SLIT3: variants seen among roughly 807,000 people sequenced by gnomAD.
SLIT3 encodes the protein slit guidance ligand 3, also known as slit homolog 3 protein.
Under a neutral mutation model 184.0 loss-of-function variants are expected in SLIT3, and 68 were observed. The observed-to-expected ratio is 0.37, with a 90% CI of 0.30 to 0.45. SLIT3 has a LOEUF of 0.45. Among genes scored for constraint, SLIT3 ranks in the 20% least tolerant of loss-of-function variants. The pLI is 1.00. For missense variants in SLIT3, 1,707 were observed against 2,026.0 expected (o/e 0.84, Z 3.02); for synonymous variants, 831 against 828.6 (o/e 1.00, Z -0.05).
intron 5 of SLIT3, among the ~76,000 whole-genome samples, chr5:168,879,192 T>C (rs1759858696): frequency 1.3e-5 from 2 of 152,366 alleles, no homozygotes; most frequent in South Asian, 4.1e-4. Flanking sequence ...TGAAGCTGGA[T>C]ATGCCAGCAG....
chr5:169,100,662 T>A (rs1269877035), intron 4 of SLIT3, among the ~76,000 whole-genome samples: 1 of 152,120 alleles, frequency 6.6e-6, no homozygotes, highest in Non-Finnish European at 1.5e-5. Context: ...ACTGTAACCA[T>A]CTGCCCCAGA....
At position 168,748,419 on chromosome 5, in the gene SLIT3, C is replaced by T. The variant is rs1169340848; in HGVS notation, c.2153G>A (p.Ser718Asn). The change falls in exon 20 of 36, where the codon AGC becomes AAC. Residue 718 changes from serine to asparagine, a missense_variant. Transcript: ENST00000519560. Reference sequence around the variant, plus strand: ...CGGGCAGCGCGGGCTCAGCTGGCAGCTACTCTCCTCGTTGCCTGTGGAGAG... The same window carrying T: ...CGGGCAGCGCGGGCTCAGCTGGCAGTTACTCTCCTCGTTGCCTGTGGAGAG... ...DFTCDGNEES[S>N]CQLSPRCPEQ... 1.3e-6 allele frequency: 2 copies of T among 1,524,848 alleles called. No homozygotes were observed. The highest frequency in any genetic ancestry group is 2.5e-5 in the Admixed American group (1 of 39,906). 94.5% of individuals were successfully genotyped at this position (1,524,848 alleles called of 1,614,324 possible).
chr5:168,840,050 C>T (rs1210259233), intron 6 of SLIT3, among the ~76,000 whole-genome samples: 2 of 152,174 alleles, frequency 1.3e-5, no homozygotes, highest in African/African-American at 4.8e-5. Context: ...TAAGGTCCTA[C>T]CAGCGCCAAC....
chr5:168,978,892 A>G (rs1754854110), intron 4 of SLIT3, among the ~76,000 whole-genome samples: 1 of 126,336 alleles, frequency 7.9e-6, no homozygotes, highest in Non-Finnish European at 1.6e-5. Flanking sequence ...CATCCACCTT[A>G]ATGGAATGGG....
At chr5:168,720,376 A>G (rs781236687) in intron 23 of SLIT3, 6 of 90,778 alleles carry the variant, frequency 6.6e-5, no homozygotes, top group Non-Finnish European at 1.6e-4. Context: ...CATCACCCCC[A>G]CCACCCCAAA....
intron 6 of SLIT3, among the ~76,000 whole-genome samples, chr5:168,842,469 G>GTTTTTTTTTTGTTTTTTTTT (rs1758295400): frequency 9.1e-5 from 8 of 88,080 alleles, no homozygotes; most frequent in African/African-American, 1.9e-4. Context: ...CCGTTTTTTC[G>GTTTTTTTTTTGTTTTTTTTT]TTTTTTTTTT....
chr5:169,129,738 G>A (rs1761221483), intron 4 of SLIT3, among the ~76,000 whole-genome samples: 1 of 152,270 alleles, frequency 6.6e-6, no homozygotes, highest in Non-Finnish European at 1.5e-5. Context: ...AAGAGAAGAG[G>A]ATATTAATGG....
At chr5:168,998,139 A>T (rs1755576997) in intron 4 of SLIT3, among the ~76,000 whole-genome samples, 1 of 152,224 alleles carries the variant, frequency 6.6e-6, no homozygotes, top group African/African-American at 2.4e-5. Flanking sequence ...AAAGTCATCC[A>T]GATTGGCTCT....
In SLIT3 at chr5:168,690,225, C is replaced by T. The variant is rs561811354; in HGVS notation, c.3176+2382G>A. Among the ~76,000 whole-genome samples the T allele has an allele frequency of 8.0e-4, 122 of 152,182 alleles. 1 individual carries two copies. Among genetic ancestry groups the T allele is most frequent in the African/African-American group, 2.9e-3 (119 of 41,520 alleles). ...AATCTCAGCTCACTGCAACCTCCGC[C>T]TCCTGGGTTCAAGCGATTCTCCTGC... On this transcript the variant is annotated intron_variant, in intron 29 of 35. Coordinates refer to ENST00000519560, the MANE Select transcript of SLIT3 (RefSeq NM_003062.4).
chr5:168,710,874 TG>T lies in SLIT3; in HGVS notation c.2719+20del. 1 of 1,476,194 alleles carries T rather than the reference TG, an allele frequency of 6.8e-7. No individual in the cohort carries two copies. Among genetic ancestry groups the T allele is most frequent in the Non-Finnish European group, 9.1e-7 (1 of 1,102,638 alleles). 91.4% of individuals were successfully genotyped at this position (1,476,194 alleles called of 1,614,324 possible). ...AGACCCCAAGAGGGGCAGGGGAGGG[TG>T]GGGTGTGGGCGTCACCTACCTTTGC... On this transcript the variant is annotated intron_variant, in intron 25 of 35. Coordinates refer to ENST00000519560, the MANE Select transcript of SLIT3 (RefSeq NM_003062.4).
intron 4 of SLIT3, among the ~76,000 whole-genome samples, chr5:169,064,965 G>C (rs143003881): frequency 6.6e-6 from 1 of 152,180 alleles, no homozygotes; most frequent in Non-Finnish European, 1.5e-5. Context: ...GACACAAAGA[G>C]TTCTGACCTT....
intron 20 of SLIT3, among the ~76,000 whole-genome samples, chr5:168,745,727 A>C (rs1381032867): frequency 2.0e-5 from 3 of 152,194 alleles, no homozygotes; most frequent in African/African-American, 7.2e-5. Flanking sequence ...TCCAATTTTA[A>C]AAGAACTTCT....
At chr5:169,132,639 A>G (rs2113319383) in intron 4 of SLIT3, among the ~76,000 whole-genome samples, 1 of 152,318 alleles carries the variant, frequency 6.6e-6, no homozygotes, top group East Asian at 1.9e-4. Flanking sequence ...AGCAGGAACC[A>G]GGACTTCTCA....
At position 169,011,088 on chromosome 5, in the gene SLIT3, T is replaced by G. The variant is rs140974813; in HGVS notation, c.414-127752A>C. On this transcript the variant is annotated intron_variant, in intron 4 of 35. Transcript: ENST00000519560. ...AAGCCCACTGAAGACTCTAAGTCTA[T>G]AAGGGCCGAAGCTATAACCAACACC... Among the ~76,000 whole-genome samples, 881 of 152,188 alleles carry G rather than the reference T, an allele frequency of 5.8e-3. 5 individuals carry two copies. Among genetic ancestry groups the G allele is most frequent in the Non-Finnish European group, 9.8e-3 (667 of 68,014 alleles).
At chr5:168,898,658 G>GC (rs1318932150) in intron 4 of SLIT3, among the ~76,000 whole-genome samples, 4 of 152,156 alleles carry the variant, frequency 2.6e-5, no homozygotes, top group Non-Finnish European at 4.4e-5. Context: ...ACTGTAGCCA[G>GC]TTTTTTTCTT....
At chr5:169,116,466 G>T (rs1308534960) in intron 4 of SLIT3, among the ~76,000 whole-genome samples, 2 of 152,206 alleles carry the variant, frequency 1.3e-5, no homozygotes, top group Non-Finnish European at 2.9e-5. Context: ...TCTCCAGGAT[G>T]AACGACCTAG....
chr5:169,299,683 A>T (rs1767621844), intron 1 of SLIT3, among the ~76,000 whole-genome samples: 1 of 152,188 alleles, frequency 6.6e-6, no homozygotes, highest in South Asian at 2.1e-4. Flanking sequence ...AAACGTTGAC[A>T]TATGAAAAGT....
At chr5:169,265,624 G>C (rs1342961707) in intron 1 of SLIT3, among the ~76,000 whole-genome samples, 2 of 152,104 alleles carry the variant, frequency 1.3e-5, no homozygotes, top group Non-Finnish European at 2.9e-5. Context: ...TTTTAGGCAG[G>C]TTATTTAACT....
At chr5:168,787,684 C>A (rs898853944) in intron 11 of SLIT3, among the ~76,000 whole-genome samples, 2 of 152,150 alleles carry the variant, frequency 1.3e-5, no homozygotes, top group Non-Finnish European at 2.9e-5. Flanking sequence ...TGCATGTAGG[C>A]CCCATGAGTG....
Sources: gnomAD v4.1 joint callset for allele counts (sites outside exome capture counted in the v4.1 genomes callset) on GRCh38, gnomAD v4.1.1 for gene constraint, MANE v1.5 for transcripts, NCBI Gene and HGNC (gene_info 2026-07-23, HGNC 2026-07-21) for gene names.